PHLDB2: variants seen among roughly 807,000 people sequenced by gnomAD.
The protein encoded by PHLDB2 is pleckstrin homology-like domain family B member 2.
A neutral mutation model predicts 123.6 loss-of-function variants in PHLDB2; 71 were observed. The ratio of observed to expected loss-of-function variants is 0.57; its 90% CI spans 0.47 to 0.70. PHLDB2 has a LOEUF of 0.70. Among genes scored for constraint, PHLDB2 ranks in the 30% least tolerant of loss-of-function variants. The pLI is 0.00. For missense variants in PHLDB2, 1,446 were observed against 1,519.5 expected, an observed-to-expected ratio of 0.95 and a Z score of 0.80; for synonymous variants, 547 against 541.6, an observed-to-expected ratio of 1.01 and a Z score of -0.14.
At chr3:111,826,891 A>T (rs1342734037) in intron 1 of PHLDB2, among the ~76,000 whole-genome samples, 3 of 152,080 alleles carry the variant, frequency 2.0e-5, no homozygotes, top group African/African-American at 7.2e-5. Flanking sequence ...GTAAGGGAGA[A>T]ATTACTGCCT....
chr3:111,741,889 T>A (rs1422485013), intron 1 of PHLDB2, among the ~76,000 whole-genome samples: 2 of 152,214 alleles, frequency 1.3e-5, no homozygotes, highest in Non-Finnish European at 2.9e-5. Flanking sequence ...GAACTTCAGA[T>A]GTCTTCAGGT....
At chr3:111,824,908 T>C (rs57127254) in intron 1 of PHLDB2, among the ~76,000 whole-genome samples, 6,034 of 152,296 alleles carry the variant, frequency 0.04, 415 homozygotes, top group African/African-American at 0.14. Context: ...GCCTGAGTGT[T>C]CTTGAAAAAT....
At chr3:111,788,213 A>C (rs1311482981) in intron 1 of PHLDB2, among the ~76,000 whole-genome samples, 2 of 152,030 alleles carry the variant, frequency 1.3e-5, no homozygotes, top group Non-Finnish European at 2.9e-5. Context: ...CCATTATGCT[A>C]TTTTTTTTTT....
At chr3:111,912,864 C>T (rs1277028429) in intron 2 of PHLDB2, among the ~76,000 whole-genome samples, 1 of 152,148 alleles carries the variant, frequency 6.6e-6, no homozygotes, top group Non-Finnish European at 1.5e-5. Context: ...GTAATCTCAG[C>T]AACTTTTGGG....
At chr3:111,922,790 G>A (rs140750392) in intron 5 of PHLDB2, among the ~76,000 whole-genome samples, 13 of 152,070 alleles carry the variant, frequency 8.5e-5, no homozygotes, top group African/African-American at 2.2e-4. Flanking sequence ...CATACTCCTG[G>A]CCAACTTTCA....
intron 2 of PHLDB2, among the ~76,000 whole-genome samples, chr3:111,891,290 G>T (rs1291549637): frequency 1.3e-5 from 2 of 152,112 alleles, no homozygotes; most frequent in Non-Finnish European, 2.9e-5. Flanking sequence ...AGCCAGCAAA[G>T]GTTCATTTGT....
chr3:111,856,241 T>C (rs148399664), upstream of PHLDB2, among the ~76,000 whole-genome samples: 11 of 152,326 alleles, frequency 7.2e-5, no homozygotes, highest in East Asian at 1.7e-3. Context: ...TGAGGATTAC[T>C]TTTTGTCTAG....
intron 1 of PHLDB2, among the ~76,000 whole-genome samples, chr3:111,877,525 A>G (rs1576972710): frequency 6.6e-6 from 1 of 151,978 alleles, no homozygotes. Context: ...TTGCCCGCTC[A>G]CTCTGATAAT....
chr3:111,877,180 C>T (rs2065673747), intron 1 of PHLDB2, among the ~76,000 whole-genome samples: 1 of 152,340 alleles, frequency 6.6e-6, no homozygotes, highest in South Asian at 2.1e-4. Context: ...GTTTACACTC[C>T]CACCAACAGT....
chr3:111,874,228 C>T (rs1273116191), intron 1 of PHLDB2, among the ~76,000 whole-genome samples: 1 of 152,186 alleles, frequency 6.6e-6, no homozygotes, highest in Non-Finnish European at 1.5e-5. Context: ...CTGCAACCTC[C>T]TCAAAACTAC....
intron 2 of PHLDB2, among the ~76,000 whole-genome samples, chr3:111,886,058 G>T (rs1161860494): frequency 6.6e-6 from 1 of 152,100 alleles, no homozygotes; most frequent in African/African-American, 2.4e-5. Flanking sequence ...AATAAGACGG[G>T]GAAACATCCC....
chr3:111,824,633 G>T (rs972156951), intron 1 of PHLDB2, among the ~76,000 whole-genome samples: 28 of 152,156 alleles, frequency 1.8e-4, no homozygotes, highest in Non-Finnish European at 2.1e-4. Context: ...GCAGCTGTGG[G>T]AAACTGTCCT....
intron 12 of PHLDB2, among the ~76,000 whole-genome samples, chr3:111,960,616 C>G (rs2071345079): frequency 6.6e-6 from 1 of 152,118 alleles, no homozygotes; most frequent in South Asian, 2.1e-4. Flanking sequence ...GCTGAGAAAG[C>G]CATTGAGAAT....
intron 13 of PHLDB2, among the ~76,000 whole-genome samples, chr3:111,965,048 A>G (rs1430728887): frequency 1.3e-5 from 2 of 152,212 alleles, no homozygotes; most frequent in Admixed American, 1.3e-4. Flanking sequence ...AGTTGGGGCA[A>G]TGAAGTTTAT....
intron 1 of PHLDB2, among the ~76,000 whole-genome samples, chr3:111,784,619 C>A (rs571232367): frequency 6.6e-6 from 1 of 152,188 alleles, no homozygotes; most frequent in Non-Finnish European, 1.5e-5. Flanking sequence ...TCAGTATAAT[C>A]CAACCTATTC....
chr3:111,913,844 G>T (rs979406221), intron 3 of PHLDB2, 142 bp downstream of exon 3: 2 of 1,146,116 alleles, frequency 1.7e-6, no homozygotes, highest in Non-Finnish European at 2.5e-6. Context: ...TTAGCTGAGC[G>T]AGGTGCAGCA....
intron 1 of PHLDB2, among the ~76,000 whole-genome samples, chr3:111,819,583 G>C (rs2062269015): frequency 6.6e-6 from 1 of 152,144 alleles, no homozygotes; most frequent in African/African-American, 2.4e-5. Flanking sequence ...GAGAGAATTT[G>C]TACAACAGAG....
At chr3:111,915,455 A>G (rs2068117673) in intron 3 of PHLDB2, 2 of 152,464 alleles carry the variant, frequency 1.3e-5, no homozygotes, top group Non-Finnish European at 1.5e-5. Flanking sequence ...TTTGAGACAG[A>G]GTCTTGCTCT....
chr3:111,849,312 A>G (rs1329712086), intron 2 of PHLDB2, among the ~76,000 whole-genome samples: 3 of 151,774 alleles, frequency 2.0e-5, no homozygotes, highest in Admixed American at 1.3e-4. Flanking sequence ...GTAAGACTAT[A>G]GGCCCAAGAC....
Sources: gnomAD v4.1 joint callset for allele counts (sites outside exome capture counted in the v4.1 genomes callset) on GRCh38, gnomAD v4.1.1 for gene constraint, MANE v1.5 for transcripts, NCBI Gene and HGNC (gene_info 2026-07-23, HGNC 2026-07-21) for gene names.